The following DNAJB1 variants were observed in gnomAD, a reference collection of about 807,000 sequenced individuals.
DNAJB1 encodes dnaJ homolog subfamily B member 1.
DNAJB1 carries 14 observed loss-of-function variants against 24.0 expected under a neutral mutation model. The observed-to-expected ratio is 0.58, with a 90% CI of 0.39 to 0.91. DNAJB1 has a LOEUF of 0.91. Among genes scored for constraint, DNAJB1 ranks in the 40% least tolerant of loss-of-function variants. The pLI is 0.00. For missense variants in DNAJB1, 517 were observed against 458.1 expected, an observed-to-expected ratio of 1.13 and a Z score of -1.17; for synonymous variants, 262 against 174.4, an observed-to-expected ratio of 1.50 and a Z score of -3.96.
chr19:14,549,807 G>T lies in DNAJB1; in HGVS notation c.-214+401C>A, dbSNP rs2073431192. Among the ~76,000 whole-genome samples the T allele has an allele frequency of 2.6e-5, 4 of 152,080 alleles. No individual in the cohort carries two copies. The South Asian group carries it at 8.4e-4, about 32-fold the overall frequency. ...AAAATACAAAAATTAGCTGGGCATG[G>T]TGGCATGCACCCGTAATCCCAGCTA... On this transcript the variant is annotated intron_variant, in intron 1 of 3. Coordinates refer to the DNAJB1 transcript ENST00000676982.
chr19:14,555,079 GTT>G (rs550695448), upstream of DNAJB1, among the ~76,000 whole-genome samples: 6 of 142,454 alleles, frequency 4.2e-5, no homozygotes, highest in African/African-American at 5.1e-5. Flanking sequence ...GCCTGGCCTT[GTT>G]TTTTTTTTTT....
At chr19:14,547,343 CTATTT>C (rs149850437) in intron 1 of DNAJB1, among the ~76,000 whole-genome samples, 5 of 151,592 alleles carry the variant, frequency 3.3e-5, no homozygotes, top group Non-Finnish European at 4.4e-5. Flanking sequence ...CGTACCTGGC[CTATTT>C]TATTTTATTT....
Position 14,514,783 on chromosome 19 carries a change from A to C in DNAJB1, c.*1157T>G, listed in dbSNP as rs966008535. 1.3e-5 allele frequency: 2 copies of C among 152,692 alleles called. No homozygotes were observed. The highest frequency in any genetic ancestry group is 4.8e-5 in the African/African-American group (2 of 41,450). The allele number at this position is 152,692 out of a possible 1,614,324, so 9.5% of individuals were successfully genotyped here. On this transcript the variant is annotated 3_prime_UTR_variant, in exon 3 of 3. Transcript: ENST00000254322. ...GACCGCTCCCCTGAGGTTTAGCATC[A>C]GTCTTTAATGCTGTCGCACTTCATT...
At chr19:14,530,855 G>T (rs145365728), upstream of DNAJB1, 2 of 152,236 alleles carry the variant, frequency 1.3e-5, no homozygotes, top group East Asian at 1.9e-4. Flanking sequence ...TCACATTGTT[G>T]TGCAACCATC....
intron 1 of DNAJB1, among the ~76,000 whole-genome samples, chr19:14,541,574 T>C (rs2073098934): frequency 1.3e-5 from 2 of 152,308 alleles, no homozygotes; most frequent in Non-Finnish European, 2.9e-5. Context: ...ACGAACCACA[T>C]TCTCTGTCCT....
At chr19:14,542,542 A>G (rs1221972559) in intron 1 of DNAJB1, among the ~76,000 whole-genome samples, 2 of 151,036 alleles carry the variant, frequency 1.3e-5, no homozygotes, top group Non-Finnish European at 3.0e-5. Context: ...TTTTATTTTT[A>G]GTAGAAATGT....
At chr19:14,540,434 C>T (rs1254967118) in intron 1 of DNAJB1, among the ~76,000 whole-genome samples, 1 of 151,386 alleles carries the variant, frequency 6.6e-6, no homozygotes, top group Non-Finnish European at 1.5e-5. Context: ...GCTCTGTCAC[C>T]TAGACTGGAG....
chr19:14,553,511 G>A (rs1346304478), upstream of DNAJB1, among the ~76,000 whole-genome samples: 3 of 152,182 alleles, frequency 2.0e-5, no homozygotes, highest in East Asian at 5.8e-4. Context: ...GGCCACTGGG[G>A]AAGGTGGTAT....
upstream of DNAJB1, among the ~76,000 whole-genome samples, chr19:14,534,250 G>T (rs1186896156): frequency 3.4e-5 from 5 of 145,624 alleles, no homozygotes; most frequent in Middle Eastern, 7.9e-3. Context: ...TCAGCCTCCC[G>T]AGTAGCTGGA....
chr19:14,538,009 G>A (rs1028253740), intron 1 of DNAJB1, among the ~76,000 whole-genome samples: 18 of 152,188 alleles, frequency 1.2e-4, no homozygotes, highest in Non-Finnish European at 2.5e-4. Flanking sequence ...GCCTCCCAAA[G>A]TGTTGGGATT....
At chr19:14,529,537 C>A, upstream of DNAJB1, 1 of 1,031,508 alleles carries the variant, frequency 9.7e-7, no homozygotes, top group South Asian at 1.3e-5. Context: ...CGCCTCGTGC[C>A]CTGATTGGCC....
chr19:14,557,153 ATTTT>A (rs1309637043), intron 1 of DNAJB1, among the ~76,000 whole-genome samples: 1 of 150,788 alleles, frequency 6.6e-6, no homozygotes, highest in Non-Finnish European at 1.5e-5. Context: ...TTATTTATTT[ATTTT>A]GAGACAGGGT....
chr19:14,522,683 G>GACACACAGACACACACACAC (rs751484199), upstream of DNAJB1, among the ~76,000 whole-genome samples: 50 of 117,912 alleles, frequency 4.2e-4, no homozygotes, highest in Middle Eastern at 4.1e-3. Flanking sequence ...CACACACACA[G>GACACACAGACACACACACAC]ACACACACAC....
At chr19:14,531,670 C>T (rs1477772997), upstream of DNAJB1, 1 of 152,206 alleles carries the variant, frequency 6.6e-6, no homozygotes, top group African/African-American at 2.4e-5. Context: ...GATCCACCCA[C>T]CTTGGCCTCC....
chr19:14,547,896 G>A (rs2146593745), intron 1 of DNAJB1, among the ~76,000 whole-genome samples: 1 of 148,612 alleles, frequency 6.7e-6, no homozygotes, highest in East Asian at 2.0e-4. Flanking sequence ...CTTGGGTCTT[G>A]GACTCTGGGC....
At chr19:14,526,334 G>C (rs2072424925) in intron 2 of DNAJB1, among the ~76,000 whole-genome samples, 1 of 152,212 alleles carries the variant, frequency 6.6e-6, no homozygotes, top group Non-Finnish European at 1.5e-5. Flanking sequence ...GGCACTGTCA[G>C]GGGGCCACAG....
upstream of DNAJB1, among the ~76,000 whole-genome samples, chr19:14,551,948 T>TCTCTCTCTCCCTCCCTCC (rs2073531757): frequency 4.3e-5 from 1 of 23,244 alleles, no homozygotes; most frequent in Non-Finnish European, 8.2e-5. Context: ...CCTCCCTCCC[T>TCTCTCTCTCCCTCCCTCC]CTCTCTCTCT....
At chr19:14,548,017 G>A (rs1345542001) in intron 1 of DNAJB1, among the ~76,000 whole-genome samples, 2 of 148,264 alleles carry the variant, frequency 1.3e-5, no homozygotes, top group Non-Finnish European at 3.0e-5. Flanking sequence ...AGGCTGGAGT[G>A]CAGTGGTGTG....
chr19:14,526,978 A>G (rs1056983202), intron 2 of DNAJB1, among the ~76,000 whole-genome samples: 2 of 151,612 alleles, frequency 1.3e-5, no homozygotes, highest in African/African-American at 4.8e-5. Flanking sequence ...CCGAGGAGGG[A>G]GGATCACTTG....
Sources: gnomAD v4.1 joint callset for allele counts (sites outside exome capture counted in the v4.1 genomes callset) on GRCh38, gnomAD v4.1.1 for gene constraint, MANE v1.5 for transcripts, NCBI Gene and HGNC (gene_info 2026-07-23, HGNC 2026-07-21) for gene names.